ZNF223: variants seen among roughly 807,000 people sequenced by gnomAD.
ZNF223 encodes Homo sapiens zinc finger protein 223.
ZNF223 carries 9 observed loss-of-function variants against 12.3 expected under a neutral mutation model. That is an observed-to-expected ratio of 0.73 (90% CI 0.44 to 1.28). ZNF223 has a LOEUF of 1.28. ZNF223 is among the 50% of genes most tolerant of loss of function. The probability of loss-of-function intolerance (pLI) is 0.00; values close to 1 mark genes in which losing one functional copy is unlikely to be tolerated. For missense variants in ZNF223, 506 were observed against 579.0 expected (o/e 0.87, Z 1.29); for synonymous variants, 171 against 195.2 (o/e 0.88, Z 1.03).
At chr19:44,054,421 T>TA (rs1976739790) in intron 1 of ZNF223, among the ~76,000 whole-genome samples, 1 of 152,130 alleles carries the variant, frequency 6.6e-6, no homozygotes, top group South Asian at 2.1e-4. Context: ...CATTTTCTTG[T>TA]AAAAAAGAGC....
At chr19:44,055,939 C>T (rs998783274) in intron 2 of ZNF223, among the ~76,000 whole-genome samples, 2 of 152,088 alleles carry the variant, frequency 1.3e-5, no homozygotes, top group Non-Finnish European at 2.9e-5. Flanking sequence ...AATCAAGGAA[C>T]AGGAATGTTA....
At chr19:44,061,521 G>A (rs1316604626) in intron 4 of ZNF223, among the ~76,000 whole-genome samples, 1 of 152,126 alleles carries the variant, frequency 6.6e-6, no homozygotes, top group African/African-American at 2.4e-5. Flanking sequence ...CATTCTTCCA[G>A]AGTCATGCTC....
Position 44,066,085 on chromosome 19 carries a change from T to A in ZNF223, c.257T>A (p.Met86Lys), listed in dbSNP as rs200086448. The change falls in exon 5 of 5, where the codon ATG becomes AAG. Residue 86 changes from methionine to lysine, a missense_variant. Met to Lys is a moderately conservative substitution (Grantham distance 95, BLOSUM62 -1). Coordinates refer to ENST00000434772, the MANE Select transcript of ZNF223 (RefSeq NM_013361.6). ...GNSGGKIQPE[M>K]KTFPEAGPHE... ...ATAGGAGGCAAGATCCAACCTGAGA[T>A]GAAGACTTTTCCAGAAGCAGGACCA... The A allele has an allele frequency of 4.2e-5, 67 of 1,599,900 alleles. No individual in the cohort carries two copies. Among genetic ancestry groups the A allele is most frequent in the Non-Finnish European group, 1.2e-5 (14 of 1,175,310 alleles).
At chr19:44,057,018 C>A (rs1381874667) in intron 2 of ZNF223, among the ~76,000 whole-genome samples, 1 of 152,012 alleles carries the variant, frequency 6.6e-6, no homozygotes, top group African/African-American at 2.4e-5. Context: ...AAAGTTCAAA[C>A]AGATTGGAAC....
At chr19:44,061,384 G>A (rs1439791560) in intron 4 of ZNF223, among the ~76,000 whole-genome samples, 2 of 152,198 alleles carry the variant, frequency 1.3e-5, no homozygotes, top group African/African-American at 2.4e-5. Flanking sequence ...TTAGGGCTTT[G>A]TTCCTTTCTG....
chr19:44,057,165 G>A (rs73932830), intron 2 of ZNF223, among the ~76,000 whole-genome samples: 1,542 of 152,226 alleles, frequency 0.01, 24 homozygotes, highest in African/African-American at 0.035. Context: ...AAAACCATGG[G>A]AATATTTATA....
At chr19:44,060,194 G>C (rs537416710) in intron 2 of ZNF223, among the ~76,000 whole-genome samples, 1 of 152,080 alleles carries the variant, frequency 6.6e-6, no homozygotes, top group East Asian at 1.9e-4. Context: ...ACTCCTAGGG[G>C]GCTACATACA....
intron 2 of ZNF223, among the ~76,000 whole-genome samples, chr19:44,056,738 C>T (rs1017101498): frequency 4.6e-5 from 7 of 150,972 alleles, no homozygotes. Context: ...GGACTACAGG[C>T]GCCCGCCACC....
chr19:44,060,643 G>T, intron 3 of ZNF223, 62 bp downstream of exon 3: 5 of 1,613,534 alleles, frequency 3.1e-6, no homozygotes, highest in Middle Eastern at 1.6e-4. Context: ...GTATCCTAGG[G>T]TGTTCAAGTT....
intron 1 of ZNF223, 33 bp from the exon 2 acceptor site, chr19:44,055,076 T>C (rs899531291): frequency 1.7e-5 from 21 of 1,221,192 alleles, no homozygotes; most frequent in Non-Finnish European, 2.3e-5. Flanking sequence ...CACCCTTTCA[T>C]GTCTCTTTTT....
Position 44,067,445 on chromosome 19 carries a change from T to C in ZNF223, c.*168T>C. 3.4e-6 allele frequency: 3 copies of C among 870,776 alleles called. No homozygotes were observed. Among genetic ancestry groups the C allele is most frequent in the Non-Finnish European group, 3.7e-6 (2 of 547,132 alleles). The allele number at this position is 870,776 out of a possible 1,614,324, so 53.9% of individuals were successfully genotyped here. A position where few individuals can be genotyped will look rare whatever the true frequency, so the allele number is the denominator to read the frequency against. On this transcript the variant is annotated 3_prime_UTR_variant, in exon 5 of 5. Transcript: ENST00000434772. Reference sequence around the variant, plus strand: ...CAGTTTGAAAATAAATTGTTGTCGATGATAGTCACCTTTAGTGCTGCAGAA... The same window carrying C: ...CAGTTTGAAAATAAATTGTTGTCGACGATAGTCACCTTTAGTGCTGCAGAA...
chr19:44,057,037 C>T (rs1226867348), intron 2 of ZNF223, among the ~76,000 whole-genome samples: 1 of 152,066 alleles, frequency 6.6e-6, no homozygotes, highest in Non-Finnish European at 1.5e-5. Context: ...ACAAAGAATA[C>T]TAAAAGGCAA....
At chr19:44,053,816 G>A (rs1976731257) in intron 1 of ZNF223, among the ~76,000 whole-genome samples, 1 of 152,192 alleles carries the variant, frequency 6.6e-6, no homozygotes. Context: ...AGTGTATGGT[G>A]TCCCTGGTTA....
At chr19:44,054,166 C>CCTTTT (rs1976736107) in intron 1 of ZNF223, among the ~76,000 whole-genome samples, 1 of 150,938 alleles carries the variant, frequency 6.6e-6, no homozygotes, top group South Asian at 2.1e-4. Context: ...GTTAAGATGC[C>CCTTTT]CTTTTCTTTT....
intron 1 of ZNF223, 124 bp from the exon 2 acceptor site, chr19:44,054,985 G>A (rs779380651): frequency 2.0e-6 from 1 of 492,896 alleles, no homozygotes; most frequent in Non-Finnish European, 3.6e-6. Flanking sequence ...TGCAATTTGG[G>A]GTTAGTATGA....
chr19:44,055,929 A>C (rs1380398118), intron 2 of ZNF223, among the ~76,000 whole-genome samples: 1 of 152,212 alleles, frequency 6.6e-6, no homozygotes, highest in African/African-American at 2.4e-5. Flanking sequence ...AATCAGAGGC[A>C]ATCAAGGAAC....
At chr19:44,057,141 C>T (rs1428303753) in intron 2 of ZNF223, among the ~76,000 whole-genome samples, 3 of 152,102 alleles carry the variant, frequency 2.0e-5, no homozygotes, top group African/African-American at 7.2e-5. Context: ...AATTGTTCTT[C>T]CTAATCAGAT....
intron 2 of ZNF223, among the ~76,000 whole-genome samples, chr19:44,055,978 C>T (rs1306798635): frequency 3.3e-5 from 5 of 151,992 alleles, no homozygotes; most frequent in Admixed American, 2.0e-4. Flanking sequence ...AAGAGAGAGA[C>T]GAGAAGAAAG....
chr19:44,066,618 G>A lies in ZNF223; in HGVS notation c.790G>A (p.Ala264Thr), dbSNP rs763455832. The stretch of plus-strand genomic sequence containing the variant: ...GGGAGAGAAACATTATAATTGTGAG[G>A]CATGTGGGAGGGCCTTCATTCATGA... ...HMGEKHYNCE[A>T]CGRAFIHDFQ... Residue 264 changes from alanine to threonine, a missense_variant, in exon 5 of 5, where the codon GCA becomes ACA. By Grantham distance (58) the Ala-to-Thr change is moderately conservative (BLOSUM62 0). Transcript: ENST00000434772. The A allele has an allele frequency of 1.2e-5, 20 of 1,613,978 alleles. No homozygotes were observed. Among genetic ancestry groups the A allele is most frequent in the Admixed American group, 1.7e-5 (1 of 59,996 alleles).
Sources: allele counts gnomAD v4.1 joint callset (sites outside exome capture counted in the v4.1 genomes callset), GRCh38; gene constraint gnomAD v4.1.1; transcripts MANE v1.5; gene names NCBI Gene and HGNC (gene_info 2026-07-23, HGNC 2026-07-21).